Variants in CCSER1 observed in about 807,000 individuals in gnomAD.
CCSER1 encodes coiled-coil serine rich protein 1, also known as serine-rich coiled-coil domain-containing protein 1.
In CCSER1, 41 loss-of-function variants were observed where a neutral mutation model predicts 82.0. The observed-to-expected ratio is 0.50, with a 90% CI of 0.39 to 0.65. CCSER1 has a LOEUF of 0.65. Among genes scored for constraint, CCSER1 ranks in the 30% least tolerant of loss-of-function variants. CCSER1 has a pLI of 0.00. For synonymous variants in CCSER1, 414 were observed against 383.9 expected (o/e 1.08, Z -0.92); for missense variants, 1,119 against 1,064.2 (o/e 1.05, Z -0.72).
At chr4:90,321,763 T>C (rs1027000537) in intron 3 of CCSER1, among the ~76,000 whole-genome samples, 6 of 152,176 alleles carry the variant, frequency 3.9e-5, no homozygotes, top group Admixed American at 2.6e-4. Flanking sequence ...ACTTTTTATA[T>C]GCCTGTTGTC....
At chr4:90,806,055 C>T (rs6532247) in intron 7 of CCSER1, among the ~76,000 whole-genome samples, 51,745 of 151,952 alleles carry the variant, frequency 0.34, 9,012 homozygotes, top group East Asian at 0.42. Context: ...GGTGCAGAAG[C>T]AATTGCAGTT....
chr4:91,091,056 C>A (rs532586081), intron 10 of CCSER1, among the ~76,000 whole-genome samples: 21 of 152,276 alleles, frequency 1.4e-4, no homozygotes, highest in Middle Eastern at 3.4e-3. Context: ...TGACCAGTAC[C>A]CACATTTTTT....
chr4:91,091,533 A>G (rs758256299), intron 10 of CCSER1, among the ~76,000 whole-genome samples: 6 of 152,170 alleles, frequency 3.9e-5, no homozygotes, highest in Non-Finnish European at 8.8e-5. Flanking sequence ...ACACCAGTCC[A>G]TGTTATAAGG....
intron 3 of CCSER1, among the ~76,000 whole-genome samples, chr4:90,387,239 A>C (rs968916085): frequency 1.3e-5 from 2 of 152,168 alleles, no homozygotes; most frequent in Admixed American, 1.3e-4. Flanking sequence ...CAATGATTAA[A>C]AAAAAACCTC....
intron 5 of CCSER1, among the ~76,000 whole-genome samples, chr4:90,495,204 T>C (rs916937638): frequency 6.6e-6 from 1 of 152,176 alleles, no homozygotes; most frequent in African/African-American, 2.4e-5. Flanking sequence ...GATTCTATAT[T>C]GGAACGTCAC....
Position 90,159,006 on chromosome 4 carries a change from A to G in CCSER1, c.-42+31175A>G, listed in dbSNP as rs144975957. Among the ~76,000 whole-genome samples, 837 of 152,096 alleles carry G rather than the reference A, an allele frequency of 5.5e-3. 2 individuals are homozygous for G. The highest frequency in any genetic ancestry group is 5.0e-3 in the Non-Finnish European group (343 of 67,980). ...GGAGCTGTAGACCGGCGCTGTTCCT[A>G]TTCGGCCATCTTGGCTCCGACCTCC... On this transcript the variant is annotated intron_variant, in intron 1 of 10. Coordinates refer to ENST00000509176, the MANE Select transcript of CCSER1 (RefSeq NM_001145065.2).
chr4:91,422,214 T>G (rs1573845), intron 10 of CCSER1, among the ~76,000 whole-genome samples: 21,359 of 151,694 alleles, frequency 0.14, 2,009 homozygotes, highest in African/African-American at 0.26. Context: ...ATTTGTTACA[T>G]CAGCAAAAAA....
chr4:91,391,689 C>A (rs1751660846), intron 10 of CCSER1, among the ~76,000 whole-genome samples: 1 of 152,134 alleles, frequency 6.6e-6, no homozygotes, highest in African/African-American at 2.4e-5. Flanking sequence ...TGTTTAGTTC[C>A]ATTGTGTCTG....
At chr4:90,845,818 A>AC (rs952400249) in intron 8 of CCSER1, among the ~76,000 whole-genome samples, 8 of 152,166 alleles carry the variant, frequency 5.3e-5, no homozygotes, top group East Asian at 1.9e-4. Context: ...AAAAAAAAAA[A>AC]AACCAGATTT....
intron 3 of CCSER1, among the ~76,000 whole-genome samples, chr4:90,326,744 AG>A (rs1445414025): frequency 6.6e-6 from 1 of 152,204 alleles, no homozygotes; most frequent in Non-Finnish European, 1.5e-5. Context: ...TAGGTGCAGT[AG>A]GGGGTGGTCT....
chr4:90,517,857 C>T (rs917379782), intron 5 of CCSER1, among the ~76,000 whole-genome samples: 4 of 152,040 alleles, frequency 2.6e-5, no homozygotes, highest in African/African-American at 9.7e-5. Flanking sequence ...GAATCAGGAT[C>T]TGAGAATCAG....
At chr4:90,137,417 G>A (rs1382574269) in intron 1 of CCSER1, among the ~76,000 whole-genome samples, 3 of 152,086 alleles carry the variant, frequency 2.0e-5, no homozygotes, top group Non-Finnish European at 2.9e-5. Context: ...TGATTATCGG[G>A]ACAATATAGT....
intron 1 of CCSER1, among the ~76,000 whole-genome samples, chr4:90,207,309 C>A (rs776899679): frequency 6.6e-6 from 1 of 152,134 alleles, no homozygotes; most frequent in Non-Finnish European, 1.5e-5. Context: ...GTGAATGCCT[C>A]ATGAAATTCT....
intron 1 of CCSER1, among the ~76,000 whole-genome samples, chr4:90,300,353 C>T (rs1313354242): frequency 6.6e-6 from 1 of 152,054 alleles, no homozygotes; most frequent in Non-Finnish European, 1.5e-5. Flanking sequence ...TATATTTCCT[C>T]AGAAAAGGCA....
At chr4:91,492,389 C>A (rs2110072824) in intron 10 of CCSER1, among the ~76,000 whole-genome samples, 1 of 152,214 alleles carries the variant, frequency 6.6e-6, no homozygotes, top group Non-Finnish European at 1.5e-5. Flanking sequence ...ACCAAAAAAA[C>A]TACAATTGTA....
chr4:90,506,500 C>T (rs199949627), intron 5 of CCSER1, among the ~76,000 whole-genome samples: 88 of 152,190 alleles, frequency 5.8e-4, no homozygotes, highest in Middle Eastern at 3.4e-3. Context: ...TGGTGGCTCA[C>T]GCCTGTAATC....
chr4:90,535,200 G>A (rs1384680304), intron 5 of CCSER1, among the ~76,000 whole-genome samples: 1 of 151,774 alleles, frequency 6.6e-6, no homozygotes, highest in African/African-American at 2.4e-5. Context: ...TTGAATATTT[G>A]TGTGAATTTT....
At chr4:90,481,573 G>T (rs954129708) in intron 5 of CCSER1, among the ~76,000 whole-genome samples, 1 of 152,148 alleles carries the variant, frequency 6.6e-6, no homozygotes, top group African/African-American at 2.4e-5. Flanking sequence ...AGAGTTTTTA[G>T]CACGAAGTGT....
chr4:90,764,699 T>C (rs1750934662), intron 7 of CCSER1, among the ~76,000 whole-genome samples: 1 of 152,122 alleles, frequency 6.6e-6, no homozygotes, highest in Admixed American at 6.6e-5. Context: ...ATATAGGACA[T>C]TTTAAAGACT....
Sources: allele counts gnomAD v4.1 joint callset (sites outside exome capture counted in the v4.1 genomes callset), GRCh38; gene constraint gnomAD v4.1.1; transcripts MANE v1.5; gene names NCBI Gene and HGNC (gene_info 2026-07-23, HGNC 2026-07-21).